Variants in PDZRN3 observed in about 807,000 individuals in gnomAD.
The protein encoded by PDZRN3 is PDZ domain containing ring finger 3.
A neutral mutation model predicts 85.7 loss-of-function variants in PDZRN3; 38 were observed. The observed-to-expected ratio is 0.44, with a 90% confidence interval of 0.34 to 0.58. The LOEUF (loss-of-function observed/expected upper bound fraction) is 0.58. PDZRN3 is among the 20% of genes least tolerant of loss of function. PDZRN3 has a pLI of 0.01. For missense variants in PDZRN3, 1,629 were observed against 1,506.4 expected (o/e 1.08, Z -1.35); for synonymous variants, 759 against 638.0 (o/e 1.19, Z -2.86).
intron 3 of PDZRN3, among the ~76,000 whole-genome samples, chr3:73,416,881 T>G (rs9755329): frequency 0.57 from 68,160 of 119,430 alleles, 16,078 homozygotes; most frequent in East Asian, 0.76. Context: ...TTTTGGTTTT[T>G]TTTTTTTTTT....
chr3:73,384,180 C>A lies in PDZRN3; in HGVS notation c.2386G>T (p.Gly796Trp), dbSNP rs757438961. Residue 796 changes from glycine to tryptophan, a missense_variant, in exon 10 of 10, where the codon GGG (glycine) becomes TGG (tryptophan). Coordinates refer to ENST00000263666, the MANE Select transcript of PDZRN3 (RefSeq NM_015009.3). Reference sequence around the variant, plus strand: ...GCTGGCCCGTAGGCTTCCGTGGTCCCCACAGCCCCTTCGCTGCTCGGGCAG... The same window carrying A: ...GCTGGCCCGTAGGCTTCCGTGGTCCACACAGCCCCTTCGCTGCTCGGGCAG... ...ISCPSSEGAV[G>W]TTEAYGPASK... 1.2e-6 allele frequency: 2 copies of A among 1,614,070 alleles called. No homozygotes were observed. Among genetic ancestry groups the A allele is most frequent in the Non-Finnish European group, 1.7e-6 (2 of 1,180,042 alleles).
chr3:73,597,082 A>AT (rs971684517), intron 3 of PDZRN3, among the ~76,000 whole-genome samples: 2 of 152,288 alleles, frequency 1.3e-5, no homozygotes, highest in East Asian at 3.9e-4. Context: ...GAAATGAAAC[A>AT]TTTTTTAAAG....
chr3:73,428,867 G>T (rs565014267), intron 3 of PDZRN3, among the ~76,000 whole-genome samples: 1 of 151,754 alleles, frequency 6.6e-6, no homozygotes, highest in East Asian at 1.9e-4. Flanking sequence ...GGCCCTGTTT[G>T]TCAAGGTGGG....
intron 8 of PDZRN3, among the ~76,000 whole-genome samples, chr3:73,387,213 C>T (rs1323671520): frequency 1.3e-5 from 2 of 152,190 alleles, no homozygotes; most frequent in Non-Finnish European, 2.9e-5. Context: ...TCGAGTATGT[C>T]TTTATCAGCA....
chr3:73,574,929 C>T (rs745408299), intron 3 of PDZRN3, among the ~76,000 whole-genome samples: 4 of 152,282 alleles, frequency 2.6e-5, no homozygotes, highest in African/African-American at 7.2e-5. Flanking sequence ...CAAATATAAC[C>T]GAGTTTTATA....
At chr3:73,477,388 T>A (rs1008494965) in intron 3 of PDZRN3, among the ~76,000 whole-genome samples, 10 of 152,176 alleles carry the variant, frequency 6.6e-5, no homozygotes, top group Non-Finnish European at 2.9e-5. Context: ...ATGTCATCTC[T>A]GACAAAGCAG....
chr3:73,456,394 ATTC>A (rs1427573552), intron 3 of PDZRN3, among the ~76,000 whole-genome samples: 1 of 152,238 alleles, frequency 6.6e-6, no homozygotes, highest in Non-Finnish European at 1.5e-5. Context: ...AGCCAATCTT[ATTC>A]TTCTAAAGGC....
intron 3 of PDZRN3, among the ~76,000 whole-genome samples, chr3:73,429,577 T>C (rs554312474): frequency 5.3e-5 from 8 of 152,354 alleles, no homozygotes; most frequent in African/African-American, 1.9e-4. Context: ...GTATTTACTT[T>C]GGAAATCTGT....
At chr3:73,463,222 T>G (rs986044587) in intron 3 of PDZRN3, among the ~76,000 whole-genome samples, 1 of 152,186 alleles carries the variant, frequency 6.6e-6, no homozygotes, top group Non-Finnish European at 1.5e-5. Flanking sequence ...TTGGTCAGAC[T>G]CCAGCAGGAA....
At chr3:73,570,929 C>T (rs1184823400) in intron 3 of PDZRN3, among the ~76,000 whole-genome samples, 2 of 152,172 alleles carry the variant, frequency 1.3e-5, no homozygotes, top group Non-Finnish European at 2.9e-5. Flanking sequence ...TTTGCTTGCT[C>T]TCATCTACCT....
chr3:73,618,415 C>A (rs765659715), intron 1 of PDZRN3, among the ~76,000 whole-genome samples: 1 of 152,126 alleles, frequency 6.6e-6, no homozygotes, highest in Non-Finnish European at 1.5e-5. Context: ...ATGGGCCACA[C>A]TGGGTTCAAA....
chr3:73,486,355 G>A (rs1703660988), intron 3 of PDZRN3, among the ~76,000 whole-genome samples: 1 of 151,888 alleles, frequency 6.6e-6, no homozygotes, highest in Non-Finnish European at 1.5e-5. Flanking sequence ...TGGCTTTGGA[G>A]CTGGCAGGGC....
intron 3 of PDZRN3, among the ~76,000 whole-genome samples, chr3:73,476,131 ATC>A (rs1703444078): frequency 6.6e-6 from 1 of 152,188 alleles, no homozygotes; most frequent in South Asian, 2.1e-4. Context: ...CTTGGATAAT[ATC>A]TTAGTTCGTT....
chr3:73,393,794 T>C (rs913344303), intron 5 of PDZRN3, among the ~76,000 whole-genome samples: 6 of 152,258 alleles, frequency 3.9e-5, no homozygotes, highest in Non-Finnish European at 5.9e-5. Context: ...CGCTCTGTTA[T>C]GTAGAAAACG....
chr3:73,395,144 T>G (rs1425536674), intron 5 of PDZRN3, among the ~76,000 whole-genome samples: 1 of 152,210 alleles, frequency 6.6e-6, no homozygotes, highest in Non-Finnish European at 1.5e-5. Context: ...AACTTAGCCA[T>G]TCTGTGGTTT....
At chr3:73,398,429 G>T (rs765273033) in intron 5 of PDZRN3, among the ~76,000 whole-genome samples, 1 of 152,196 alleles carries the variant, frequency 6.6e-6, no homozygotes, top group Admixed American at 6.5e-5. Flanking sequence ...AATGGGCACC[G>T]AGGTACCTAG....
chr3:73,455,035 TAC>T (rs1273613800), intron 3 of PDZRN3, among the ~76,000 whole-genome samples: 3 of 152,146 alleles, frequency 2.0e-5, no homozygotes, highest in African/African-American at 7.2e-5. Flanking sequence ...TGTTTATGAG[TAC>T]AATATTTCCT....
rs141232912 is a variant in PDZRN3 at position 73,384,289 on chromosome 3, G to A, written c.2277C>T (p.Asn759=). 8.1e-6 allele frequency: 13 copies of A among 1,612,850 alleles called. No individual in the cohort carries two copies. The highest frequency in any genetic ancestry group is 1.7e-5 in the Admixed American group (1 of 60,006). Residue 759 remains asparagine (N), a synonymous_variant, in exon 10 of 10, where the codon AAC becomes AAT. Coordinates refer to ENST00000263666, the MANE Select transcript of PDZRN3 (RefSeq NM_015009.3). ...GGGTGCTGCGGCAGCTCTCGCCTGT[G>A]TTGTAGGCGCTCGAGCTGTCCTTGT... ...KSDKDSSSAY[N]TGESCRSTPL...
chr3:73,488,623 A>G (rs1703710332), intron 3 of PDZRN3, among the ~76,000 whole-genome samples: 1 of 152,130 alleles, frequency 6.6e-6, no homozygotes, highest in Admixed American at 6.5e-5. Flanking sequence ...CTCTTTGTTT[A>G]TGTCTTACTT....
Sources: allele counts gnomAD v4.1 joint callset (sites outside exome capture counted in the v4.1 genomes callset), GRCh38; gene constraint gnomAD v4.1.1; transcripts MANE v1.5; gene names NCBI Gene and HGNC (gene_info 2026-07-23, HGNC 2026-07-21).